The following NRG1 variants were observed in gnomAD, a reference collection of about 807,000 sequenced individuals.
NRG1 encodes pro-neuregulin-1, membrane-bound isoform.
NRG1 carries 18 observed loss-of-function variants against 63.8 expected under a neutral mutation model. The ratio of observed to expected loss-of-function variants is 0.28; its 90% CI spans 0.19 to 0.42. The LOEUF (loss-of-function observed/expected upper bound fraction) is 0.42, where lower values mean the gene tolerates loss of function less well. Ranked by LOEUF, NRG1 falls within the 10% of genes least tolerant of loss-of-function variation. The probability of loss-of-function intolerance (pLI) is 1.00; values close to 1 mark genes in which losing one functional copy is unlikely to be tolerated. For missense variants in NRG1, 762 were observed against 814.7 expected (o/e 0.94, Z 0.79); for synonymous variants, 302 against 301.3 (o/e 1.00, Z -0.02).
intron 4 of NRG1, among the ~76,000 whole-genome samples, chr8:32,615,195 C>T (rs1847128458): frequency 6.6e-6 from 1 of 152,098 alleles, no homozygotes; most frequent in South Asian, 2.1e-4. Flanking sequence ...TTGATTTCTT[C>T]ACAAGCTATG....
intron 6 of NRG1, among the ~76,000 whole-genome samples, chr8:32,739,699 T>C (rs2129035682): frequency 6.6e-6 from 1 of 152,306 alleles, no homozygotes; most frequent in East Asian, 1.9e-4. Context: ...ACAATTTCCT[T>C]ATAAATGCCT....
intron 1 of NRG1, among the ~76,000 whole-genome samples, chr8:31,771,042 T>C (rs1818572998): frequency 6.6e-6 from 1 of 152,084 alleles, no homozygotes; most frequent in African/African-American, 2.4e-5. Flanking sequence ...TAGCATATGG[T>C]TCACTGAAAC....
chr8:32,601,795 C>T (rs980222471), intron 2 of NRG1, among the ~76,000 whole-genome samples: 5 of 151,288 alleles, frequency 3.3e-5, no homozygotes, highest in African/African-American at 9.7e-5. Context: ...ATGATCTAGC[C>T]GATGAGGAAT....
At chr8:31,653,114 G>A (rs373058816) in intron 1 of NRG1, among the ~76,000 whole-genome samples, 4 of 148,428 alleles carry the variant, frequency 2.7e-5, no homozygotes, top group Non-Finnish European at 5.9e-5. Flanking sequence ...GTAGCTAAAC[G>A]TTAACAGTGT....
intron 1 of NRG1, among the ~76,000 whole-genome samples, chr8:32,324,688 A>G (rs1315537260): frequency 6.6e-6 from 1 of 152,226 alleles, no homozygotes; most frequent in African/African-American, 2.4e-5. Context: ...GAAAAGGCAA[A>G]TAAAAAATTG....
downstream of NRG1, among the ~76,000 whole-genome samples, chr8:32,772,039 ATGTATATATATATATATAT>A (rs1831852007): frequency 2.2e-5 from 1 of 45,290 alleles, no homozygotes; most frequent in African/African-American, 8.7e-5. Flanking sequence ...AAAAAAAAAT[ATGTATATATATATATATAT>A]ATATATATAT....
intron 1 of NRG1, among the ~76,000 whole-genome samples, chr8:31,736,550 G>A (rs188277440): frequency 1.2e-3 from 183 of 152,070 alleles, no homozygotes; most frequent in African/African-American, 4.0e-3. Flanking sequence ...TGCACAGGCA[G>A]CCAAGAAACA....
chr8:31,873,853 A>G (rs996438228), intron 1 of NRG1, among the ~76,000 whole-genome samples: 2 of 152,232 alleles, frequency 1.3e-5, no homozygotes, highest in Non-Finnish European at 2.9e-5. Context: ...ACAATAGCAC[A>G]GTCTACCTAT....
At chr8:31,684,610 T>C (rs563571744) in intron 1 of NRG1, among the ~76,000 whole-genome samples, 32 of 152,316 alleles carry the variant, frequency 2.1e-4, no homozygotes, top group African/African-American at 7.0e-4. Context: ...CTGATGTGCA[T>C]AGACTTTTGA....
intron 1 of NRG1, among the ~76,000 whole-genome samples, chr8:32,016,304 C>T (rs1410931590): frequency 6.6e-6 from 1 of 152,046 alleles, no homozygotes; most frequent in East Asian, 1.9e-4. Flanking sequence ...CTCAAGCAAC[C>T]CTCCTGCCTC....
intron 1 of NRG1, among the ~76,000 whole-genome samples, chr8:31,831,107 C>CTT (rs535337906): frequency 0.013 from 1,933 of 146,078 alleles, 22 homozygotes; most frequent in African/African-American, 0.033. Context: ...CCTCTTTCTT[C>CTT]TTTTTTTTTT....
chr8:32,353,036 A>T (rs924617279), intron 1 of NRG1, among the ~76,000 whole-genome samples: 4 of 150,578 alleles, frequency 2.7e-5, no homozygotes, highest in African/African-American at 4.9e-5. Flanking sequence ...TTCTGATTTT[A>T]AAAAAAGAAT....
intron 1 of NRG1, among the ~76,000 whole-genome samples, chr8:32,511,331 A>ATG (rs1225559810): frequency 5.6e-5 from 8 of 143,444 alleles, no homozygotes; most frequent in East Asian, 2.0e-4. Flanking sequence ...ATACATATAT[A>ATG]TGTGTGTGTG....
intron 1 of NRG1, among the ~76,000 whole-genome samples, chr8:32,041,789 C>G (rs1563715026): frequency 6.6e-6 from 1 of 152,132 alleles, no homozygotes; most frequent in African/African-American, 2.4e-5. Flanking sequence ...GAAAGAGGAT[C>G]CACAGGTAAC....
intron 1 of NRG1, among the ~76,000 whole-genome samples, chr8:32,401,235 G>A (rs1294878625): frequency 6.6e-6 from 1 of 151,944 alleles, no homozygotes; most frequent in Non-Finnish European, 1.5e-5. Context: ...GTACACCAAA[G>A]CCCCATGACA....
intron 1 of NRG1, among the ~76,000 whole-genome samples, chr8:32,241,546 A>G (rs1848094531): frequency 6.6e-6 from 1 of 152,198 alleles, no homozygotes; most frequent in African/African-American, 2.4e-5. Context: ...TGTACTGCAC[A>G]ATTGGCGTGC....
At chr8:32,463,252 A>G (rs1171127847) in intron 1 of NRG1, among the ~76,000 whole-genome samples, 1 of 152,182 alleles carries the variant, frequency 6.6e-6, no homozygotes, top group Non-Finnish European at 1.5e-5. Flanking sequence ...TAATGCTGCA[A>G]TGAACGTCAA....
At chr8:32,386,062 G>A (rs553259412) in intron 1 of NRG1, among the ~76,000 whole-genome samples, 1 of 152,064 alleles carries the variant, frequency 6.6e-6, no homozygotes, top group African/African-American at 2.4e-5. Flanking sequence ...GCTGTCATAG[G>A]TCTTTAGATT....
intron 1 of NRG1, among the ~76,000 whole-genome samples, chr8:32,554,373 G>A (rs557806669): frequency 4.9e-4 from 74 of 151,988 alleles, no homozygotes; most frequent in Non-Finnish European, 9.6e-4. Flanking sequence ...AGTGTTTGTC[G>A]CTTTAGAAAA....
Sources: gnomAD v4.1 joint callset for allele counts (sites outside exome capture counted in the v4.1 genomes callset) on GRCh38, gnomAD v4.1.1 for gene constraint, MANE v1.5 for transcripts, NCBI Gene and HGNC (gene_info 2026-07-23, HGNC 2026-07-21) for gene names.